The following HS3ST5 variants were observed in gnomAD, a reference collection of about 807,000 sequenced individuals.
HS3ST5 encodes heparan sulfate glucosamine 3-O-sulfotransferase 5.
HS3ST5 carries 10 observed loss-of-function variants against 25.4 expected under a neutral mutation model. That is an observed-to-expected ratio of 0.39 (90% CI 0.24 to 0.67). HS3ST5 has a LOEUF of 0.67. Among genes scored for constraint, HS3ST5 ranks in the 30% least tolerant of loss-of-function variants. HS3ST5 has a pLI of 0.44. For synonymous variants in HS3ST5, 170 were observed against 162.4 expected (o/e 1.05, Z -0.36); for missense variants, 324 against 420.7 (o/e 0.77, Z 2.01).
chr6:114,192,249 C>T (rs1271834883), intron 2 of HS3ST5, among the ~76,000 whole-genome samples: 3 of 152,130 alleles, frequency 2.0e-5, no homozygotes, highest in Non-Finnish European at 4.4e-5. Flanking sequence ...TTAATGTATG[C>T]ATATAGATTT....
intron 1 of HS3ST5, among the ~76,000 whole-genome samples, chr6:114,335,046 A>C (rs1476793728): frequency 1.3e-5 from 2 of 152,166 alleles, no homozygotes; most frequent in Non-Finnish European, 2.9e-5. Flanking sequence ...AGAAATCCAC[A>C]GAAAATACTT....
intron 1 of HS3ST5, among the ~76,000 whole-genome samples, chr6:114,275,256 T>C (rs1773801491): frequency 6.6e-6 from 1 of 152,064 alleles, no homozygotes; most frequent in Non-Finnish European, 1.5e-5. Context: ...TCCCTGACTA[T>C]AAACTATAAA....
At chr6:114,281,008 A>G (rs1046460334) in intron 1 of HS3ST5, among the ~76,000 whole-genome samples, 1 of 152,042 alleles carries the variant, frequency 6.6e-6, no homozygotes, top group South Asian at 2.1e-4. Context: ...GATAAGCCTT[A>G]TAAGTTTGGC....
intron 1 of HS3ST5, among the ~76,000 whole-genome samples, chr6:114,283,895 AG>A (rs773289664): frequency 2.0e-5 from 3 of 152,032 alleles, no homozygotes; most frequent in Admixed American, 6.6e-5. Context: ...CAGGAAATAC[AG>A]AGAGGAAGAA....
intron 2 of HS3ST5, among the ~76,000 whole-genome samples, chr6:114,214,814 G>A (rs1781675997): frequency 6.6e-6 from 1 of 152,100 alleles, no homozygotes; most frequent in South Asian, 2.1e-4. Context: ...CATGGCACAC[G>A]GAAACCTGGT....
At chr6:114,113,541 C>T (rs1000379933) in intron 3 of HS3ST5, among the ~76,000 whole-genome samples, 1 of 151,802 alleles carries the variant, frequency 6.6e-6, no homozygotes, top group African/African-American at 2.4e-5. Context: ...TGCCTTCTTT[C>T]CATTGATGTT....
At chr6:114,189,073 G>C (rs1780365848) in intron 2 of HS3ST5, among the ~76,000 whole-genome samples, 1 of 151,880 alleles carries the variant, frequency 6.6e-6, no homozygotes, top group Non-Finnish European at 1.5e-5. Flanking sequence ...CATCCTGTAA[G>C]GGCTTCTTGA....
At chr6:114,070,682 C>T (rs1773765830) in intron 3 of HS3ST5, among the ~76,000 whole-genome samples, 1 of 152,040 alleles carries the variant, frequency 6.6e-6, no homozygotes, top group African/African-American at 2.4e-5. Context: ...CTTCCCACAA[C>T]ACTGCCTCTC....
At chr6:114,075,340 A>G (rs981528707) in intron 3 of HS3ST5, among the ~76,000 whole-genome samples, 2 of 152,212 alleles carry the variant, frequency 1.3e-5, no homozygotes, top group Admixed American at 6.5e-5. Flanking sequence ...TGGCCCTAAA[A>G]TCCACCTTGA....
At chr6:114,130,759 CG>C (rs1327829580) in intron 3 of HS3ST5, among the ~76,000 whole-genome samples, 1 of 151,828 alleles carries the variant, frequency 6.6e-6, no homozygotes, top group Non-Finnish European at 1.5e-5. Flanking sequence ...TTAGTAGAGA[CG>C]GGGTTTCACC....
intron 3 of HS3ST5, among the ~76,000 whole-genome samples, chr6:114,150,977 T>C (rs1295758571): frequency 6.6e-6 from 1 of 152,226 alleles, no homozygotes; most frequent in Non-Finnish European, 1.5e-5. Context: ...CCTTGCATTT[T>C]TACTGCTTTT....
intron 1 of HS3ST5, among the ~76,000 whole-genome samples, chr6:114,246,134 G>T (rs528814554): frequency 4.0e-4 from 61 of 152,302 alleles, no homozygotes; most frequent in African/African-American, 1.4e-3. Flanking sequence ...CATAATGCTT[G>T]TATATGAGCT....
chr6:114,230,327 T>A (rs1321783506), intron 1 of HS3ST5: 1 of 152,094 alleles, frequency 6.6e-6, no homozygotes, highest in East Asian at 1.9e-4. Context: ...AAGCTATGTA[T>A]GACATTACTC....
At chr6:114,216,682 A>G (rs1252556984) in intron 2 of HS3ST5, among the ~76,000 whole-genome samples, 2 of 148,160 alleles carry the variant, frequency 1.3e-5, no homozygotes, top group Non-Finnish European at 3.0e-5. Flanking sequence ...GACTCAGAAA[A>G]CCTTCAGGAA....
intron 1 of HS3ST5, among the ~76,000 whole-genome samples, chr6:114,257,878 A>G (rs1257417400): frequency 6.6e-6 from 1 of 152,094 alleles, no homozygotes; most frequent in African/African-American, 2.4e-5. Context: ...CTGAGACTAC[A>G]GGCATGTGCT....
At chr6:114,195,221 A>T (rs1283444501) in intron 2 of HS3ST5, among the ~76,000 whole-genome samples, 2 of 152,174 alleles carry the variant, frequency 1.3e-5, no homozygotes, top group African/African-American at 4.8e-5. Context: ...CAGTCAAGAG[A>T]TCTTTTCTAG....
intron 3 of HS3ST5, among the ~76,000 whole-genome samples, chr6:114,162,288 T>C (rs773263378): frequency 6.6e-6 from 1 of 152,196 alleles, no homozygotes; most frequent in African/African-American, 2.4e-5. Flanking sequence ...TTATAAACTA[T>C]AAAAGTTTCC....
chr6:114,281,215 G>A (rs373914162), intron 1 of HS3ST5, among the ~76,000 whole-genome samples: 11 of 151,986 alleles, frequency 7.2e-5, no homozygotes, highest in Middle Eastern at 3.4e-3. Context: ...TCCTTAGTCC[G>A]TAGTATAACT....
intron 3 of HS3ST5, among the ~76,000 whole-genome samples, chr6:114,145,387 T>C (rs1778107938): frequency 6.6e-6 from 1 of 152,186 alleles, no homozygotes; most frequent in South Asian, 2.1e-4. Context: ...TCAGGTATTA[T>C]TTGCAGTGGT....
Sources: allele counts gnomAD v4.1 joint callset (sites outside exome capture counted in the v4.1 genomes callset), GRCh38; gene constraint gnomAD v4.1.1; transcripts MANE v1.5; gene names NCBI Gene and HGNC (gene_info 2026-07-23, HGNC 2026-07-21).